The following NEO1 variants were observed in gnomAD, a reference collection of about 807,000 sequenced individuals.
The protein encoded by NEO1 is neogenin.
Under a neutral mutation model 159.7 loss-of-function variants are expected in NEO1, and 63 were observed. The ratio of observed to expected loss-of-function variants is 0.39; its 90% confidence interval spans 0.32 to 0.49. The LOEUF is 0.49. Among genes scored for constraint, NEO1 ranks in the 20% least tolerant of loss-of-function variants. NEO1 has a pLI of 0.85. For missense variants in NEO1, 1,615 were observed against 1,831.0 expected (o/e 0.88, Z 2.15); for synonymous variants, 633 against 662.0 (o/e 0.96, Z 0.67).
chr15:73,126,838 C>T (rs916637471), intron 4 of NEO1, among the ~76,000 whole-genome samples: 16 of 152,104 alleles, frequency 1.1e-4, no homozygotes, highest in Non-Finnish European at 2.4e-4. Flanking sequence ...GGATTTTCTT[C>T]CCTAAATTGT....
chr15:73,244,293 C>T, intron 8 of NEO1, 51 bp from the exon 9 acceptor site: 1 of 1,559,974 alleles, frequency 6.4e-7, no homozygotes, highest in Non-Finnish European at 8.7e-7. Context: ...ACTGTACATT[C>T]TGGAAGTATT....
At chr15:73,228,588 GT>G (rs963096663) in intron 7 of NEO1, among the ~76,000 whole-genome samples, 1 of 150,110 alleles carries the variant, frequency 6.7e-6, no homozygotes, top group Non-Finnish European at 1.5e-5. Context: ...TTTTTTCTGG[GT>G]TTTTTTTAGT....
intron 1 of NEO1, among the ~76,000 whole-genome samples, chr15:73,053,430 C>T (rs1179900771): frequency 6.6e-6 from 1 of 152,152 alleles, no homozygotes; most frequent in African/African-American, 2.4e-5. Context: ...TCGGAGTGAT[C>T]GTATCTGTTA....
chr15:73,124,154 C>T (rs1233354030), intron 3 of NEO1, among the ~76,000 whole-genome samples: 2 of 152,158 alleles, frequency 1.3e-5, no homozygotes, highest in African/African-American at 4.8e-5. Context: ...CCTTGATCTC[C>T]TGGGCTCAAG....
chr15:73,057,629 G>A (rs2067774017), intron 1 of NEO1, among the ~76,000 whole-genome samples: 1 of 152,010 alleles, frequency 6.6e-6, no homozygotes, highest in African/African-American at 2.4e-5. Context: ...CTCAAATTTT[G>A]GATTCATTTA....
Position 73,116,595 on chromosome 15 carries a change from A to T in NEO1, c.186A>T (p.Thr62=), listed in dbSNP as rs376177446. 22 of 1,583,930 alleles carry T rather than the reference A, an allele frequency of 1.4e-5. No individual in the cohort carries two copies. In the African/African-American group the frequency reaches 2.9e-4, roughly 21 times the overall value. The change falls in exon 2 of 29, where the codon ACA becomes ACT. Residue 62 remains threonine, a synonymous_variant. Transcript: ENST00000261908. ...PFYFLVEPVD[T]LSVRGSSVIL... ...ATTTTCTGGTGGAGCCGGTGGATAC[A>T]CTCTCAGTTAGAGGCTCTTCTGTTA...
At chr15:73,272,597 C>T (rs1379097938) in intron 19 of NEO1, 35 bp downstream of exon 19, 1 of 1,392,446 alleles carries the variant, frequency 7.2e-7, no homozygotes, top group Admixed American at 1.7e-5. Context: ...TCTTTGTGCG[C>T]TCTTCCTGCC....
intron 5 of NEO1, among the ~76,000 whole-genome samples, chr15:73,138,158 A>G (rs1326296966): frequency 1.3e-5 from 2 of 152,168 alleles, no homozygotes; most frequent in East Asian, 3.9e-4. Flanking sequence ...TATAATATCA[A>G]AGACAAAAAA....
At chr15:73,160,542 G>C (rs1214135645) in intron 5 of NEO1, among the ~76,000 whole-genome samples, 1 of 152,118 alleles carries the variant, frequency 6.6e-6, no homozygotes, top group African/African-American at 2.4e-5. Flanking sequence ...CCAAGTCTGG[G>C]TCTCCAGAAC....
Position 73,126,431 on chromosome 15 carries a change from T to G in NEO1, c.739T>G (p.Ser247Ala). Reference sequence around the variant, plus strand: ...TTTTTTTTTAGATCCTGAGGTGATATCAGACTTGGTATTTTTGAAACAGCC... The same window carrying G: ...TTTTTTTTTAGATCCTGAGGTGATAGCAGACTTGGTATTTTTGAAACAGCC... ...LKVLPDPEVISDLVFLKQPSP... is the reference protein window; with the variant it reads ...LKVLPDPEVIADLVFLKQPSP... Residue 247 changes from serine (S) to alanine (A), a missense_variant, in exon 4 of 29, where the codon TCA becomes GCA. By Grantham distance (99) the Ser-to-Ala change is moderately conservative. Around this residue, in one of 3 missense-constraint regions of NEO1, gnomAD observed 1,018 missense variants for 1,115.4 expected, o/e 0.91. Coordinates refer to ENST00000261908, the MANE Select transcript of NEO1 (RefSeq NM_002499.4). The G allele has an allele frequency of 6.2e-7, 1 of 1,600,394 alleles. No individual in the cohort carries two copies. Among genetic ancestry groups the G allele is most frequent in the Non-Finnish European group, 8.5e-7 (1 of 1,175,302 alleles).
intron 21 of NEO1, among the ~76,000 whole-genome samples, chr15:73,276,136 C>T (rs937274895): frequency 3.3e-5 from 5 of 152,128 alleles, no homozygotes. Flanking sequence ...CACTTGATTC[C>T]ATAGCCAGAG....
intron 9 of NEO1, among the ~76,000 whole-genome samples, chr15:73,244,977 A>AAAAAAAAAAAAAAAAAAAC (rs1555458859): frequency 6.3e-5 from 7 of 111,958 alleles, no homozygotes; most frequent in Non-Finnish European, 1.2e-4. Context: ...AAAAAAAAAA[A>AAAAAAAAAAAAAAAAAAAC]AAAAAACAAC....
At chr15:73,192,348 A>ATTACAT (rs1403590041) in intron 7 of NEO1, among the ~76,000 whole-genome samples, 4 of 152,068 alleles carry the variant, frequency 2.6e-5, no homozygotes, top group Non-Finnish European at 4.4e-5. Context: ...TGGACATGGT[A>ATTACAT]GTCCTTATAT....
intron 7 of NEO1, among the ~76,000 whole-genome samples, chr15:73,190,065 GTTTT>G (rs1439067940): frequency 6.6e-6 from 1 of 151,624 alleles, no homozygotes; most frequent in Admixed American, 6.6e-5. Flanking sequence ...AAAATCCTTT[GTTTT>G]TTATAATTAT....
At chr15:73,263,538 A>G (rs1383117841) in intron 15 of NEO1, among the ~76,000 whole-genome samples, 1 of 152,030 alleles carries the variant, frequency 6.6e-6, no homozygotes, top group Admixed American at 6.5e-5. Context: ...AAATATTTAT[A>G]TTTTATAATA....
At position 73,209,881 on chromosome 15, in the gene NEO1, G is replaced by A. The variant is rs140049901; in HGVS notation, c.1292-26466G>A. On this transcript the variant is annotated intron_variant, in intron 7 of 28. Coordinates refer to ENST00000261908, the MANE Select transcript of NEO1 (RefSeq NM_002499.4). ...AATTAGCTGGGCGTGGGTGGCAGGC[G>A]CCTCCCAGCTACTCAGGAGGCTGAG... Among the ~76,000 whole-genome samples, 19 of 152,034 alleles carry A rather than the reference G, an allele frequency of 1.2e-4. No individual in the cohort carries two copies. The East Asian group carries it at 3.1e-3, about 25-fold the overall frequency.
Position 73,068,673 on chromosome 15 carries a change from A to T in NEO1, c.130+15868A>T, listed in dbSNP as rs532486450. ...TTCCCCCTTGGTGTTTTTATTTATT[A>T]ATTTTTTAAAAATTTGTTCAGTTAT... On this transcript the variant is annotated intron_variant, in intron 1 of 28. Coordinates refer to ENST00000261908, the MANE Select transcript of NEO1 (RefSeq NM_002499.4). 7.8e-4 allele frequency among the ~76,000 whole-genome samples: 118 copies of T among 151,972 alleles called. 1 individual carries two copies. The highest frequency in any genetic ancestry group is 2.8e-3 in the African/African-American group (114 of 41,452).
At chr15:73,283,394 A>T (rs1019175215) in intron 23 of NEO1, among the ~76,000 whole-genome samples, 12 of 152,366 alleles carry the variant, frequency 7.9e-5, no homozygotes, top group Admixed American at 7.8e-4. Context: ...AGCTATGATA[A>T]GACACCATCA....
chr15:73,075,271 A>T (rs1405563047), intron 1 of NEO1, among the ~76,000 whole-genome samples: 1 of 152,060 alleles, frequency 6.6e-6, no homozygotes, highest in Non-Finnish European at 1.5e-5. Context: ...AGAGGGAAGG[A>T]TGTGATGGTG....
Sources: gnomAD v4.1 joint callset for allele counts (sites outside exome capture counted in the v4.1 genomes callset) on GRCh38, gnomAD v4.1.1 for gene constraint, gnomAD v4.1.1 regional missense constraint, MANE v1.5 for transcripts, NCBI Gene and HGNC (gene_info 2026-07-23, HGNC 2026-07-21) for gene names.